Variants in AOAH observed in about 807,000 individuals in gnomAD.
AOAH encodes acyloxyacyl hydrolase (neutrophil).
Under a neutral mutation model 92.2 loss-of-function variants are expected in AOAH, and 64 were observed. The ratio of observed to expected loss-of-function variants is 0.69; its 90% CI spans 0.57 to 0.86. The LOEUF (loss-of-function observed/expected upper bound fraction) is 0.86. AOAH is among the 40% of genes least tolerant of loss of function. The pLI is 0.00. For missense variants in AOAH, 656 were observed against 694.6 expected, an observed-to-expected ratio of 0.94 and a Z score of 0.62; for synonymous variants, 263 against 254.5, an observed-to-expected ratio of 1.03 and a Z score of -0.32.
intron 12 of AOAH, among the ~76,000 whole-genome samples, chr7:36,584,837 AAGG>A (rs1481455046): frequency 2.0e-5 from 3 of 152,192 alleles, no homozygotes; most frequent in Admixed American, 6.5e-5. Flanking sequence ...AATGCACATG[AAGG>A]AGGTTTGCAG....
chr7:36,706,910 A>G (rs1241149725), intron 1 of AOAH, among the ~76,000 whole-genome samples: 1 of 152,166 alleles, frequency 6.6e-6, no homozygotes, highest in Non-Finnish European at 1.5e-5. Flanking sequence ...GGGGAATAGC[A>G]TGGGTGGTTT....
intron 13 of AOAH, among the ~76,000 whole-genome samples, chr7:36,564,651 C>T (rs907315409): frequency 2.5e-4 from 38 of 152,320 alleles, no homozygotes; most frequent in African/African-American, 7.5e-4. Context: ...AAGGACATCC[C>T]GCTAGGACTT....
At chr7:36,669,561 T>G (rs1454651563) in intron 3 of AOAH, among the ~76,000 whole-genome samples, 2 of 151,936 alleles carry the variant, frequency 1.3e-5, no homozygotes, top group Non-Finnish European at 2.9e-5. Flanking sequence ...TTTTATAGTT[T>G]TAGTAAAGAT....
At chr7:36,630,408 G>T (rs1386339930) in intron 6 of AOAH, among the ~76,000 whole-genome samples, 2 of 152,192 alleles carry the variant, frequency 1.3e-5, no homozygotes, top group Non-Finnish European at 2.9e-5. Context: ...AGCAGGGGCT[G>T]GGGCAGATGG....
At chr7:36,720,219 G>A (rs1799528697) in intron 1 of AOAH, among the ~76,000 whole-genome samples, 1 of 151,604 alleles carries the variant, frequency 6.6e-6, no homozygotes, top group South Asian at 2.1e-4. Flanking sequence ...ATGTGATCTC[G>A]GCTCACTGCA....
chr7:36,659,150 G>A lies in AOAH; in HGVS notation c.390+16C>T, dbSNP rs1795052089. 6.3e-7 allele frequency: 1 copy of A among 1,596,040 alleles called. No individual in the cohort carries two copies. The highest frequency in any genetic ancestry group is 8.6e-7 in the Non-Finnish European group (1 of 1,163,528). On this transcript the variant is annotated intron_variant, in intron 4 of 20. Coordinates refer to ENST00000617537, the MANE Select transcript of AOAH (RefSeq NM_001637.4). ...ATGTCCCTGGAAACAGATGTTCAGA[G>A]TGATTACACACTCACCTTGGGAAGA...
At chr7:36,521,300 A>T (rs1464131771) in intron 20 of AOAH, among the ~76,000 whole-genome samples, 4 of 152,078 alleles carry the variant, frequency 2.6e-5, no homozygotes, top group African/African-American at 4.8e-5. Flanking sequence ...AGCTTTCAAC[A>T]TTTTACAAGT....
At chr7:36,645,731 T>C in intron 4 of AOAH, among the ~76,000 whole-genome samples, 1 of 152,100 alleles carries the variant, frequency 6.6e-6, no homozygotes, top group Non-Finnish European at 1.5e-5. Flanking sequence ...TTTATGACTT[T>C]AAATTATATG....
In AOAH at chr7:36,677,064, G is replaced by GA. The variant is rs369245948; in HGVS notation, c.224-3056dup. 4.0e-3 allele frequency among the ~76,000 whole-genome samples: 580 copies of GA among 144,836 alleles called. 2 individuals are homozygous for GA. The highest frequency in any genetic ancestry group is 0.011 in the African/African-American group (429 of 39,526). On this transcript the variant is annotated intron_variant, in intron 2 of 20. Transcript: ENST00000617537. Reference sequence around the variant, plus strand: ...GACACCAAAAGCACAAGCAAAAGAAGAAAAAAAAAACAGAGAAACTTGACT... The same window carrying GA: ...GACACCAAAAGCACAAGCAAAAGAAGAAAAAAAAAAACAGAGAAACTTGACT...
intron 10 of AOAH, among the ~76,000 whole-genome samples, chr7:36,617,861 G>A (rs1031330484): frequency 3.9e-5 from 6 of 152,214 alleles, no homozygotes; most frequent in African/African-American, 1.2e-4. Context: ...CAGACATTCA[G>A]ATATGCATCT....
rs11772030 is a variant in AOAH, at chr7:36,517,256, G to C, written c.1600-3876C>G. Among the ~76,000 whole-genome samples the C allele has an allele frequency of 7.7e-3, 300 of 38,844 alleles. 8 individuals carry two copies. The highest frequency in any genetic ancestry group is 0.012 in the Admixed American group (30 of 2,442). The allele number at this position is 38,844 out of a possible 152,430, so 25.5% of individuals were successfully genotyped here. On this transcript the variant is annotated intron_variant, in intron 20 of 20. Coordinates refer to ENST00000617537, the MANE Select transcript of AOAH (RefSeq NM_001637.4). ...TCTCTCTCTCTCTCTTTCTTTCTGT[G>C]TCTCTCTCTTTCTTTCTTTCTTTCT... is the stretch of plus-strand genomic sequence containing the variant.
At chr7:36,699,631 TTATTTG>T (rs1260557241) in intron 1 of AOAH, among the ~76,000 whole-genome samples, 236 of 22,392 alleles carry the variant, frequency 0.011, 1 homozygote, top group Middle Eastern at 0.026. Flanking sequence ...TTAAATTGGA[TTATTTG>T]TTTTTTTTTT....
chr7:36,675,263 A>T (rs933661239), intron 2 of AOAH, among the ~76,000 whole-genome samples: 3 of 152,244 alleles, frequency 2.0e-5, no homozygotes, highest in Admixed American at 1.3e-4. Context: ...TCTCAAATAA[A>T]TAAATAAATA....
At chr7:36,634,334 ATGT>A (rs1221936538) in intron 5 of AOAH, among the ~76,000 whole-genome samples, 2 of 152,172 alleles carry the variant, frequency 1.3e-5, no homozygotes, top group Non-Finnish European at 2.9e-5. Context: ...CTAATCGGTT[ATGT>A]TATCTATAGA....
chr7:36,700,477 C>T (rs1041643855), intron 1 of AOAH, among the ~76,000 whole-genome samples: 6 of 152,142 alleles, frequency 3.9e-5, no homozygotes, highest in Admixed American at 1.3e-4. Flanking sequence ...CCAGTTCCAT[C>T]CATGTTGTTG....
At chr7:36,619,280 G>A (rs571236661) in intron 9 of AOAH, among the ~76,000 whole-genome samples, 1 of 152,266 alleles carries the variant, frequency 6.6e-6, no homozygotes, top group Non-Finnish European at 1.5e-5. Flanking sequence ...TCTGTGAGTG[G>A]TGTTTCCTCT....
intron 2 of AOAH, among the ~76,000 whole-genome samples, chr7:36,678,600 T>TGTGCGCGCGCGC (rs549317369): frequency 7.6e-6 from 1 of 131,034 alleles, no homozygotes; most frequent in African/African-American, 2.7e-5. Context: ...TGTGTGTGTG[T>TGTGCGCGCGCGC]GCGCGCGCGC....
intron 11 of AOAH, among the ~76,000 whole-genome samples, chr7:36,609,478 C>A (rs1051224870): frequency 1.3e-5 from 2 of 152,126 alleles, no homozygotes; most frequent in Admixed American, 6.5e-5. Context: ...TCTCACTGTC[C>A]CACCTGGTGC....
At chr7:36,694,656 T>C (rs535461848) in intron 1 of AOAH, among the ~76,000 whole-genome samples, 3 of 152,356 alleles carry the variant, frequency 2.0e-5, no homozygotes, top group South Asian at 4.1e-4. Context: ...ATTCAAGTTA[T>C]AAAAAATGTC....
Sources: allele counts gnomAD v4.1 joint callset (sites outside exome capture counted in the v4.1 genomes callset), GRCh38; gene constraint gnomAD v4.1.1; transcripts MANE v1.5; gene names NCBI Gene and HGNC (gene_info 2026-07-23, HGNC 2026-07-21).